RAB3GAP1: variants seen among roughly 807,000 people sequenced by gnomAD.
RAB3GAP1 encodes the protein RAB3 GTPase activating protein catalytic subunit 1, also known as rab3 GTPase-activating protein catalytic subunit.
RAB3GAP1 carries 86 observed loss-of-function variants against 130.7 expected under a neutral mutation model. The ratio of observed to expected loss-of-function variants is 0.66; its 90% confidence interval spans 0.55 to 0.79. RAB3GAP1 has a LOEUF of 0.79. RAB3GAP1 is among the 30% of genes least tolerant of loss of function. The pLI is 0.00. For synonymous variants in RAB3GAP1, 367 were observed against 401.7 expected (o/e 0.91, Z 1.03); for missense variants, 1,029 against 1,169.4 (o/e 0.88, Z 1.75).
chr2:135,150,267 T>G (rs1318500146), intron 17 of RAB3GAP1, 102 bp from the exon 18 acceptor site: 5 of 1,390,478 alleles, frequency 3.6e-6, no homozygotes, highest in Non-Finnish European at 5.0e-6. Context: ...ACTCATCTTG[T>G]GACTGCTATA....
At position 135,069,267 on chromosome 2, in the gene RAB3GAP1, G is replaced by A. The variant is rs191628459; in HGVS notation, c.150+11181G>A. ...AAACAGACCACATTTACTTACCTGGGAATTTTGTTAAAATATGGTGATGGT... is the reference window on the plus strand; with the variant it reads ...AAACAGACCACATTTACTTACCTGGAAATTTTGTTAAAATATGGTGATGGT... On this transcript the variant is annotated intron_variant, in intron 3 of 23. Transcript: ENST00000264158. 7.3e-4 allele frequency among the ~76,000 whole-genome samples: 111 copies of A among 152,224 alleles called. 1 individual carries two copies. Among genetic ancestry groups the A allele is most frequent in the Middle Eastern group, 3.4e-3 (1 of 294 alleles).
intron 8 of RAB3GAP1, among the ~76,000 whole-genome samples, chr2:135,122,445 G>C (rs1229196549): frequency 1.3e-5 from 2 of 152,168 alleles, no homozygotes; most frequent in African/African-American, 4.8e-5. Context: ...GTCTGCTCGT[G>C]ATCTGTGAAG....
intron 5 of RAB3GAP1, among the ~76,000 whole-genome samples, chr2:135,108,834 T>G (rs1690708809): frequency 6.6e-6 from 1 of 152,220 alleles, no homozygotes; most frequent in South Asian, 2.1e-4. Context: ...TATTCAGGTC[T>G]GTAATCCATT....
At chr2:135,107,996 A>C (rs1335634977) in intron 5 of RAB3GAP1, among the ~76,000 whole-genome samples, 2 of 150,938 alleles carry the variant, frequency 1.3e-5, no homozygotes, top group African/African-American at 4.8e-5. Context: ...AAAAAAAAAA[A>C]AAAAAACTAC....
chr2:135,104,831 G>C (rs77251902), intron 5 of RAB3GAP1, among the ~76,000 whole-genome samples: 6,888 of 152,280 alleles, frequency 0.045, 534 homozygotes, highest in African/African-American at 0.16. Flanking sequence ...GGAGGCCGCA[G>C]TAAGTTGAGA....
chr2:135,132,402 C>T (rs1376291461), intron 13 of RAB3GAP1, among the ~76,000 whole-genome samples: 2 of 152,128 alleles, frequency 1.3e-5, no homozygotes. Context: ...TAGACTGCTT[C>T]CTACTTTCCA....
At chr2:135,105,459 C>G (rs1690572919) in intron 5 of RAB3GAP1, among the ~76,000 whole-genome samples, 1 of 152,038 alleles carries the variant, frequency 6.6e-6, no homozygotes, top group African/African-American at 2.4e-5. Context: ...GTCTCCAGCT[C>G]CTAACCGCGA....
At chr2:135,164,746 T>G in intron 23 of RAB3GAP1, 50 bp downstream of exon 23, 1 of 1,437,632 alleles carries the variant, frequency 7.0e-7, no homozygotes, top group South Asian at 1.2e-5. Flanking sequence ...AAACCTCTAC[T>G]TGGGAAGAGG....
chr2:135,091,514 A>C (rs1690140534), intron 4 of RAB3GAP1, among the ~76,000 whole-genome samples: 1 of 152,182 alleles, frequency 6.6e-6, no homozygotes, highest in Non-Finnish European at 1.5e-5. Context: ...AGAATTAAGC[A>C]AGTAAGTTTG....
intron 3 of RAB3GAP1, among the ~76,000 whole-genome samples, chr2:135,089,272 C>T (rs576337766): frequency 6.6e-6 from 1 of 152,146 alleles, no homozygotes; most frequent in African/African-American, 2.4e-5. Flanking sequence ...GTACAAGTAC[C>T]ATGCTGTTTT....
At chr2:135,114,250 GC>G (rs1225526711) in intron 6 of RAB3GAP1, among the ~76,000 whole-genome samples, 1 of 151,998 alleles carries the variant, frequency 6.6e-6, no homozygotes, top group Non-Finnish European at 1.5e-5. Flanking sequence ...GTACCTTTAG[GC>G]CCTATTCTTA....
At chr2:135,052,575 C>G (rs1688911118) in intron 2 of RAB3GAP1, 90 bp downstream of exon 2, 1 of 1,443,276 alleles carries the variant, frequency 6.9e-7, no homozygotes, top group Non-Finnish European at 9.7e-7. Context: ...ACAAGTGACG[C>G]CACTTGTGCG....
At position 135,122,920 on chromosome 2, in the gene RAB3GAP1, G is replaced by C. The variant is rs1691245092; in HGVS notation, c.749-1245G>C. Among the ~76,000 whole-genome samples the C allele has an allele frequency of 3.9e-5, 6 of 152,120 alleles. No homozygotes were observed. The South Asian group carries it at 1.2e-3, about 32-fold the overall frequency. The stretch of plus-strand genomic sequence containing the variant: ...TTTTTGTATTTTTTAGTAGATATGG[G>C]GTTTCACCATGTTGGCCAGGCTGGT... On this transcript the variant is annotated intron_variant, in intron 8 of 23. Coordinates refer to ENST00000264158, the MANE Select transcript of RAB3GAP1 (RefSeq NM_012233.3).
chr2:135,090,883 AT>A, intron 3 of RAB3GAP1, 114 bp from the exon 4 acceptor site: 1 of 840,738 alleles, frequency 1.2e-6, no homozygotes, highest in Non-Finnish European at 1.9e-6. Flanking sequence ...TTTTTCTTTG[AT>A]TGTATGGAGG....
In RAB3GAP1 at chr2:135,142,264, A is replaced by G. The variant is rs1040396862; in HGVS notation, c.1923+6332A>G. 2.0e-5 allele frequency among the ~76,000 whole-genome samples: 3 copies of G among 152,274 alleles called. No individual in the cohort carries two copies. The East Asian group carries it at 5.8e-4, about 29-fold the overall frequency. On this transcript the variant is annotated intron_variant, in intron 17 of 23. Coordinates refer to ENST00000264158, the MANE Select transcript of RAB3GAP1 (RefSeq NM_012233.3). ...AGGTCTTACATATCTTTCATTAGAT[A>G]TATTTCCAAGGTATTTGTAATTTCT...
At chr2:135,086,676 TTTTTTTTTTTC>T (rs1328843768) in intron 3 of RAB3GAP1, among the ~76,000 whole-genome samples, 1 of 137,720 alleles carries the variant, frequency 7.3e-6, no homozygotes, top group Non-Finnish European at 1.5e-5. Flanking sequence ...TTTTTTTTTT[TTTTTTTTTTTC>T]CTTAGAGATA....
intron 7 of RAB3GAP1, among the ~76,000 whole-genome samples, chr2:135,117,723 GCTTCTTCTTCTTCTGCTT>G (rs1404431975): frequency 1.7e-3 from 45 of 26,032 alleles, no homozygotes; most frequent in African/African-American, 5.3e-3. Context: ...TTCTTCTTCT[GCTTCTTCTTCTTCTGCTT>G]CTTCTTCTGC....
At chr2:135,056,799 T>G (rs1387173982) in intron 2 of RAB3GAP1, among the ~76,000 whole-genome samples, 2 of 152,228 alleles carry the variant, frequency 1.3e-5, no homozygotes, top group African/African-American at 2.4e-5. Context: ...CATTTAATTT[T>G]AAAGAGGAAT....
intron 14 of RAB3GAP1, among the ~76,000 whole-genome samples, chr2:135,133,562 T>G (rs1558792526): frequency 6.6e-6 from 1 of 152,172 alleles, no homozygotes; most frequent in Non-Finnish European, 1.5e-5. Context: ...AATTAAAAGA[T>G]TTTTAAAACA....
Sources: gnomAD v4.1 joint callset for allele counts (sites outside exome capture counted in the v4.1 genomes callset) on GRCh38, gnomAD v4.1.1 for gene constraint, MANE v1.5 for transcripts, NCBI Gene and HGNC (gene_info 2026-07-23, HGNC 2026-07-21) for gene names.